Variants in SOD2 observed in about 807,000 individuals in gnomAD.
The protein encoded by SOD2 is superoxide dismutase 2.
In SOD2, 11 loss-of-function variants were observed where a neutral mutation model predicts 27.0. That is an observed-to-expected ratio of 0.41 (90% confidence interval 0.26 to 0.67). The LOEUF (loss-of-function observed/expected upper bound fraction) is 0.67. Ranked by LOEUF, SOD2 falls within the 30% of genes least tolerant of loss-of-function variation. The probability of loss-of-function intolerance (pLI) is 0.34; values close to 1 mark genes in which losing one functional copy is unlikely to be tolerated. For missense variants in SOD2, 250 were observed against 274.5 expected (o/e 0.91, Z 0.63); for synonymous variants, 105 against 103.0 (o/e 1.02, Z -0.12).
chr6:159,746,636 ATATTCTTAACTATATACTG>A (rs1229344800), upstream of SOD2, among the ~76,000 whole-genome samples: 3 of 152,180 alleles, frequency 2.0e-5, no homozygotes, highest in Non-Finnish European at 2.9e-5. Flanking sequence ...CGTAGTTACT[ATATTCTTAACTATATACTG>A]TATTCTTAAC....
chr6:159,727,315 C>A (rs757965677), exon 1 of SOD2: 4 of 1,273,480 alleles, frequency 3.1e-6, no homozygotes, highest in South Asian at 1.3e-5. Flanking sequence ...TGCGGCCACG[C>A]CTGAAAGGCG....
chr6:159,761,633 T>C, exon 1 of SOD2: 2 of 452,976 alleles, frequency 4.4e-6, no homozygotes. Flanking sequence ...ATTCCAGTCC[T>C]GAGCTGAACG....
upstream of SOD2, chr6:159,727,850 C>T (rs1177206434): frequency 1.2e-5 from 6 of 518,132 alleles, no homozygotes; most frequent in Non-Finnish European, 1.5e-5. Flanking sequence ...GTGAGCCGCT[C>T]TACCTTCCCG....
chr6:159,705,475 C>T (rs1777607798), intron 1 of SOD2, among the ~76,000 whole-genome samples: 1 of 152,214 alleles, frequency 6.6e-6, no homozygotes, highest in African/African-American at 2.4e-5. Flanking sequence ...GTGACGAATG[C>T]ACAAGCTTCA....
At chr6:159,685,864 G>C (rs1182492993) in intron 3 of SOD2, among the ~76,000 whole-genome samples, 1 of 152,142 alleles carries the variant, frequency 6.6e-6, no homozygotes, top group African/African-American at 2.4e-5. Flanking sequence ...AATCGTGTTA[G>C]AGGGATTTCC....
At chr6:159,746,399 A>G (rs900249004), upstream of SOD2, among the ~76,000 whole-genome samples, 1 of 152,246 alleles carries the variant, frequency 6.6e-6, no homozygotes, top group African/African-American at 2.4e-5. Flanking sequence ...CCTTTAAAAC[A>G]GAGCTGCTGC....
At chr6:159,684,613 CA>C (rs1038583959) in intron 4 of SOD2, among the ~76,000 whole-genome samples, 1 of 151,094 alleles carries the variant, frequency 6.6e-6, no homozygotes, top group Non-Finnish European at 1.5e-5. Flanking sequence ...AGATCTGTCT[CA>C]AAAAAAATAA....
intron 1 of SOD2, among the ~76,000 whole-genome samples, chr6:159,742,362 G>T (rs1779310209): frequency 6.6e-6 from 1 of 152,078 alleles, no homozygotes. Flanking sequence ...TCATGTAATG[G>T]CATGACTTAG....
upstream of SOD2, among the ~76,000 whole-genome samples, chr6:159,730,545 AT>A (rs1207524540): frequency 4.6e-5 from 7 of 152,236 alleles, no homozygotes; most frequent in African/African-American, 9.6e-5. Flanking sequence ...AAATAGTTGA[AT>A]GTTGTAGACA....
chr6:159,721,532 CT>C (rs1778040363), intron 1 of SOD2, among the ~76,000 whole-genome samples: 1 of 151,988 alleles, frequency 6.6e-6, no homozygotes, highest in African/African-American at 2.4e-5. Flanking sequence ...CCATGCCCGG[CT>C]AATTTTGTAT....
chr6:159,682,843 T>C (rs1041561737), intron 4 of SOD2, among the ~76,000 whole-genome samples: 1 of 152,176 alleles, frequency 6.6e-6, no homozygotes, highest in Non-Finnish European at 1.5e-5. Flanking sequence ...ACAAAGAAAA[T>C]GTGACAAATA....
At chr6:159,727,136 G>C in exon 1 of SOD2, 2 of 1,194,944 alleles carry the variant, frequency 1.7e-6, no homozygotes, top group Non-Finnish European at 2.1e-6. Context: ...TACTGAGCTT[G>C]CTGAGCTCCG....
chr6:159,693,315 G>T (rs1305336198), upstream of SOD2: 1 of 446,952 alleles, frequency 2.2e-6, no homozygotes. Flanking sequence ...CGCCGCAAGG[G>T]CACCGCCGCC....
intron 1 of SOD2, among the ~76,000 whole-genome samples, chr6:159,751,480 A>G (rs1379504767): frequency 6.6e-6 from 1 of 152,242 alleles, no homozygotes; most frequent in South Asian, 2.1e-4. Context: ...GTTTTTGACA[A>G]TCTTGCATAT....
At chr6:159,759,685 T>C (rs550052813) in intron 1 of SOD2, among the ~76,000 whole-genome samples, 2 of 150,146 alleles carry the variant, frequency 1.3e-5, no homozygotes, top group East Asian at 3.9e-4. Context: ...AAAAAAAAAA[T>C]TCCTCTTCTT....
At chr6:159,683,571 G>T (rs1335500530) in intron 4 of SOD2, among the ~76,000 whole-genome samples, 2 of 152,092 alleles carry the variant, frequency 1.3e-5, no homozygotes, top group African/African-American at 4.8e-5. Flanking sequence ...TGTGAGGGAG[G>T]TCACTAGTAA....
rs768867658 is a variant in SOD2, at chr6:159,684,927, A to G, written c.450T>C (p.Leu150=). The change falls in exon 4 of 5, where the codon CTT becomes CTC. Residue 150 remains leucine (L), a synonymous_variant. Coordinates refer to ENST00000538183, the MANE Select transcript of SOD2 (RefSeq NM_000636.4). The stretch of plus-strand genomic sequence containing the variant: ...AGTGTCCCCGTTCCTTATTGAAACC[A>G]AGCCAACCCCAACCTGAGCCTTGGA... The part of the protein sequence containing the change: ...VGVQGSGWGW[L]GFNKERGHLQ... 4.5e-5 allele frequency: 72 copies of G among 1,613,708 alleles called. No homozygotes were observed. Among genetic ancestry groups the G allele is most frequent in the Non-Finnish European group, 6.1e-5 (72 of 1,179,872 alleles).
rs1330770255 is a variant in SOD2 at position 159,681,216 on chromosome 6, G to A, written c.*1277C>T. The A allele has an allele frequency of 1.3e-5, 2 of 152,088 alleles. No individual in the cohort carries two copies. Among genetic ancestry groups the A allele is most frequent in the Admixed American group, 1.3e-4 (2 of 15,264 alleles). The allele number at this position is 152,088 out of a possible 1,614,324, so 9.4% of individuals were successfully genotyped here. A position where few individuals can be genotyped will look rare whatever the true frequency, so the allele number is the denominator to read the frequency against. Reference sequence around the variant, plus strand: ...GCACAGAAATAAAGGAGAATCTTGAGTTTCCTTCACCGAAAACTCCAGGCA... The same window carrying A: ...GCACAGAAATAAAGGAGAATCTTGAATTTCCTTCACCGAAAACTCCAGGCA... On this transcript the variant is annotated 3_prime_UTR_variant, in exon 5 of 5. Transcript: ENST00000538183.
rs560734838 is a variant in SOD2 at position 159,671,931 on chromosome 6, A to C, written c.*10562T>G. ...TGGAGCTGAAAACCATGGCATGAGA[A>C]CTACGTGACGAATGCACAAGCTTCA... On this transcript the variant is annotated 3_prime_UTR_variant, in exon 5 of 5. Coordinates refer to ENST00000538183, the MANE Select transcript of SOD2 (RefSeq NM_000636.4). The C allele has an allele frequency of 1.6e-4, 25 of 152,344 alleles. No homozygotes were observed. Among genetic ancestry groups the C allele is most frequent in the Admixed American group, 1.4e-3 (22 of 15,300 alleles). The allele number at this position is 152,344 out of a possible 1,614,324, so 9.4% of individuals were successfully genotyped here.
Sources: gnomAD v4.1 joint callset for allele counts (sites outside exome capture counted in the v4.1 genomes callset) on GRCh38, gnomAD v4.1.1 for gene constraint, MANE v1.5 for transcripts, NCBI Gene and HGNC (gene_info 2026-07-23, HGNC 2026-07-21) for gene names.